Variants in MACROD2 observed in about 807,000 individuals in gnomAD.
MACROD2 encodes the protein mono-ADP ribosylhydrolase 2.
MACROD2 carries 36 observed loss-of-function variants against 70.4 expected under a neutral mutation model. That is an observed-to-expected ratio of 0.51 (90% CI 0.39 to 0.68). The LOEUF (loss-of-function observed/expected upper bound fraction) is 0.68. Ranked by LOEUF, MACROD2 falls within the 30% of genes least tolerant of loss-of-function variation. The pLI is 0.00. For missense variants in MACROD2, 496 were observed against 538.4 expected (o/e 0.92, Z 0.78); for synonymous variants, 172 against 178.8 (o/e 0.96, Z 0.30).
chr20:15,761,778 A>G (rs1293250751), intron 8 of MACROD2, among the ~76,000 whole-genome samples: 1 of 152,156 alleles, frequency 6.6e-6, no homozygotes, highest in Non-Finnish European at 1.5e-5. Context: ...CAAATAACCT[A>G]TTTTCCAAAT....
chr20:15,803,895 A>G (rs1381004971), intron 8 of MACROD2, among the ~76,000 whole-genome samples: 1 of 152,176 alleles, frequency 6.6e-6, no homozygotes, highest in Non-Finnish European at 1.5e-5. Context: ...TTAAGCACCT[A>G]CTCTGGTTAT....
intron 15 of MACROD2, among the ~76,000 whole-genome samples, chr20:16,015,908 A>G (rs1052381767): frequency 6.6e-6 from 1 of 152,080 alleles, no homozygotes; most frequent in African/African-American, 2.4e-5. Flanking sequence ...ATTGATTTAT[A>G]AGAGTATTTT....
At chr20:15,263,393 C>T (rs1048869675) in intron 6 of MACROD2, among the ~76,000 whole-genome samples, 2 of 151,786 alleles carry the variant, frequency 1.3e-5, no homozygotes, top group African/African-American at 2.4e-5. Flanking sequence ...GTCTATGTGC[C>T]TGTTTTTATG....
chr20:14,971,567 A>G (rs1025915684), intron 5 of MACROD2, among the ~76,000 whole-genome samples: 4 of 152,124 alleles, frequency 2.6e-5, no homozygotes, highest in African/African-American at 9.7e-5. Flanking sequence ...GTATCATTAT[A>G]TCTTACATTC....
At chr20:14,706,980 G>A (rs1340567301) in intron 5 of MACROD2, among the ~76,000 whole-genome samples, 1 of 152,160 alleles carries the variant, frequency 6.6e-6, no homozygotes, top group Admixed American at 6.5e-5. Context: ...TTAGATCCAA[G>A]GCAGTAATTC....
intron 4 of MACROD2, among the ~76,000 whole-genome samples, chr20:14,549,090 A>T (rs115746006): frequency 1.2e-4 from 19 of 152,178 alleles, no homozygotes; most frequent in African/African-American, 4.6e-4. Flanking sequence ...ACAGCACTGA[A>T]TGGTCCAAGT....
At chr20:14,915,628 G>A (rs1483554243) in intron 5 of MACROD2, among the ~76,000 whole-genome samples, 1 of 152,160 alleles carries the variant, frequency 6.6e-6, no homozygotes, top group African/African-American at 2.4e-5. Context: ...CCGACTGTGT[G>A]AGGCCGCCCA....
intron 8 of MACROD2, among the ~76,000 whole-genome samples, chr20:15,765,109 A>G (rs550498337): frequency 5.9e-5 from 9 of 152,050 alleles, no homozygotes; most frequent in African/African-American, 1.9e-4. Flanking sequence ...TTGTCTAGCT[A>G]CCCTATCAGA....
chr20:15,711,600 C>G (rs981559821), intron 8 of MACROD2, among the ~76,000 whole-genome samples: 3 of 152,198 alleles, frequency 2.0e-5, no homozygotes, highest in Admixed American at 1.3e-4. Flanking sequence ...GGTGCTGCAG[C>G]TTGGGGAAAT....
chr20:14,528,559 G>A (rs1292994083), intron 4 of MACROD2, among the ~76,000 whole-genome samples: 1 of 152,048 alleles, frequency 6.6e-6, no homozygotes, highest in Non-Finnish European at 1.5e-5. Context: ...TTAGCCACCT[G>A]AACTGCTAAT....
At chr20:14,159,370 A>G (rs1481819290) in intron 3 of MACROD2, among the ~76,000 whole-genome samples, 1 of 152,246 alleles carries the variant, frequency 6.6e-6, no homozygotes, top group Admixed American at 6.5e-5. Flanking sequence ...AGAGCATAGG[A>G]TATCTTTCCA....
At chr20:14,506,575 G>C (rs746853853) in intron 4 of MACROD2, among the ~76,000 whole-genome samples, 14 of 152,236 alleles carry the variant, frequency 9.2e-5, no homozygotes, top group South Asian at 8.3e-4. Flanking sequence ...TCATGAAGGA[G>C]ACGTATTTTA....
intron 8 of MACROD2, among the ~76,000 whole-genome samples, chr20:15,527,187 A>G (rs2047733474): frequency 6.6e-6 from 1 of 152,158 alleles, no homozygotes; most frequent in South Asian, 2.1e-4. Context: ...ACCAGATATC[A>G]GTAAATATTT....
At chr20:14,815,448 T>G (rs2072762677) in intron 5 of MACROD2, among the ~76,000 whole-genome samples, 1 of 152,062 alleles carries the variant, frequency 6.6e-6, no homozygotes. Context: ...GATTTAATAT[T>G]TATCATAACA....
chr20:15,195,016 G>C (rs761792058), intron 5 of MACROD2, among the ~76,000 whole-genome samples: 4 of 152,116 alleles, frequency 2.6e-5, no homozygotes, highest in Non-Finnish European at 5.9e-5. Flanking sequence ...GGTGCTGGGA[G>C]AACTGGCTAG....
At chr20:15,144,253 A>G (rs893652157) in intron 5 of MACROD2, among the ~76,000 whole-genome samples, 2 of 152,142 alleles carry the variant, frequency 1.3e-5, no homozygotes, top group African/African-American at 2.4e-5. Flanking sequence ...CACCTGGCCT[A>G]CAATTCAAAT....
chr20:15,599,309 T>C (rs1350606608), intron 8 of MACROD2, among the ~76,000 whole-genome samples: 4 of 151,988 alleles, frequency 2.6e-5, no homozygotes, highest in African/African-American at 4.8e-5. Flanking sequence ...GGGGAATCGC[T>C]TGAACCCGGG....
intron 5 of MACROD2, among the ~76,000 whole-genome samples, chr20:15,058,058 CT>C (rs2075500905): frequency 6.6e-6 from 1 of 152,094 alleles, no homozygotes; most frequent in Non-Finnish European, 1.5e-5. Context: ...TTAAAGTTCA[CT>C]TTTTCTTTCT....
rs138226958 is a variant in MACROD2 at position 14,846,451 on chromosome 20, G to T, written c.418+161492G>T. ...TGTTGGTCAGGCTGGAAGTTTTTTC[G>T]AAAACTAAATATATATTTCATTATA... On this transcript the variant is annotated intron_variant, in intron 5 of 17. Transcript: ENST00000684519. Among the ~76,000 whole-genome samples, 673 of 150,570 alleles carry T rather than the reference G, an allele frequency of 4.5e-3. 8 individuals carry two copies. The highest frequency in any genetic ancestry group is 0.015 in the African/African-American group (634 of 41,010).
Sources: gnomAD v4.1 joint callset for allele counts (sites outside exome capture counted in the v4.1 genomes callset) on GRCh38, gnomAD v4.1.1 for gene constraint, MANE v1.5 for transcripts, NCBI Gene and HGNC (gene_info 2026-07-23, HGNC 2026-07-21) for gene names.